Variants in AFP observed in about 807,000 individuals in gnomAD.
AFP encodes alpha fetoprotein, also known as alpha-fetoprotein.
A neutral mutation model predicts 78.9 loss-of-function variants in AFP; 64 were observed. The ratio of observed to expected loss-of-function variants is 0.81; its 90% CI spans 0.66 to 1.00. The LOEUF is 1.00. AFP is among the 50% of genes least tolerant of loss of function. The pLI is 0.00. For missense variants in AFP, 689 were observed against 703.8 expected (o/e 0.98, Z 0.24); for synonymous variants, 254 against 243.8 (o/e 1.04, Z -0.39).
At chr4:73,450,594 G>C (rs574629970) in intron 10 of AFP, 21 bp from the exon 11 acceptor site, 18 of 1,613,948 alleles carry the variant, frequency 1.1e-5, no homozygotes, top group Admixed American at 5.0e-5. Flanking sequence ...GCAGGACTTA[G>C]TTAAAAAATG....
Position 73,438,290 on chromosome 4 carries a change from G to C in AFP, c.254G>C (p.Gly85Ala), listed in dbSNP as rs772597931. ...CCCACTGGAGATGAACAGTCTTCAG[G>C]GTGTTTAGAAAACCAGGTGAGTGAA... ...EKPTGDEQSSGCLENQLPAFL... is the reference protein window; with the variant it reads ...EKPTGDEQSSACLENQLPAFL... The change falls in exon 3 of 15, where the codon GGG (glycine) becomes GCG (alanine). Residue 85 changes from glycine (G) to alanine (A), a missense_variant. Physicochemically the swap from Gly to Ala is moderately conservative, Grantham distance 60. Transcript: ENST00000395792. The C allele has an allele frequency of 3.7e-6, 6 of 1,612,712 alleles. No individual in the cohort carries two copies. The highest frequency in any genetic ancestry group is 1.1e-5 in the South Asian group (1 of 91,020).
rs566575509 is a variant in AFP at position 73,441,547 on chromosome 4, C to G, written c.482+734C>G. On this transcript the variant is annotated intron_variant, in intron 4 of 14. Coordinates refer to ENST00000395792, the MANE Select transcript of AFP (RefSeq NM_001134.3). ...TGCGCCACTGCACTCCCGCCGGGGC[C>G]ACAGAGCGAGACTCCGTCTCAAAAA... Among the ~76,000 whole-genome samples the G allele has an allele frequency of 3.7e-4, 44 of 119,338 alleles. 1 individual carries two copies. In the South Asian group the frequency reaches 8.4e-3, roughly 23 times the overall value. 78.3% of individuals were successfully genotyped at this position (119,338 alleles called of 152,430 possible).
rs538791554 is a variant in AFP at position 73,450,711 on chromosome 4, C to T, written c.1386C>T (p.Cys462=). The change falls in exon 11 of 15, where the codon TGC becomes TGT. Residue 462 remains cysteine, a synonymous_variant. Coordinates refer to ENST00000395792, the MANE Select transcript of AFP (RefSeq NM_001134.3). The stretch of plus-strand genomic sequence containing the variant: ...TGGCAGCCACAGCAGCCACTTGTTG[C>T]CAACTCAGTGAGGACAAACTATTGG... ...RKMAATAATC[C]QLSEDKLLAC... is the part of the protein sequence containing the mutation. 1.3e-5 allele frequency: 21 copies of T among 1,614,196 alleles called. No individual in the cohort carries two copies. The East Asian group carries it at 2.5e-4, about 19-fold the overall frequency.
rs777805558 is a variant in AFP, at chr4:73,443,489, C to T, written c.713+45C>T. 8 of 1,474,512 alleles carry T rather than the reference C, an allele frequency of 5.4e-6. No individual in the cohort carries two copies. The Admixed American group carries it at 1.3e-4, about 25-fold the overall frequency. The allele number at this position is 1,474,512 out of a possible 1,614,324, so 91.3% of individuals were successfully genotyped here. On this transcript the variant is annotated intron_variant, in intron 6 of 14. Transcript: ENST00000395792. ...AGGGAAGAGGGTGAGAGCTACAGAA[C>T]TACCATTTTGCAATTTGGGTTCGTT...
chr4:73,445,726 G>A (rs532702786), intron 7 of AFP, among the ~76,000 whole-genome samples: 1 of 152,154 alleles, frequency 6.6e-6, no homozygotes, highest in South Asian at 2.1e-4. Context: ...CAGGTAAAAA[G>A]CTAGCCTTGC....
Position 73,440,688 on chromosome 4 carries a change from G to A in AFP, c.357G>A (p.Glu119=), listed in dbSNP as rs143015198. Reference sequence around the variant, plus strand: ...CAGACTGCTGCAGCCAAAGTGAAGAGGGAAGACATAACTGTTTTCTTGCAC... The same window carrying A: ...CAGACTGCTGCAGCCAAAGTGAAGAAGGAAGACATAACTGTTTTCTTGCAC... ...GHSDCCSQSE[E]GRHNCFLAHK... is the part of the protein sequence containing the mutation. The change falls in exon 4 of 15, where the codon GAG becomes GAA. Residue 119 remains glutamate, a synonymous_variant. Transcript: ENST00000395792. 1.2e-6 allele frequency: 2 copies of A among 1,614,150 alleles called. No individual in the cohort carries two copies. Among genetic ancestry groups the A allele is most frequent in the Non-Finnish European group, 1.7e-6 (2 of 1,180,022 alleles).
rs146264081 is a variant in AFP, at chr4:73,440,014, A to T, written c.271-588A>T. Among the ~76,000 whole-genome samples the T allele has an allele frequency of 9.1e-4, 138 of 152,168 alleles. 2 individuals are homozygous for T. The East Asian group carries it at 0.021, about 23-fold the overall frequency. ...AATTCCAAAAGTTACATCTTTAATG[A>T]GAATCATGAAAATATTATTTTGCTC... On this transcript the variant is annotated intron_variant, in intron 3 of 14. Coordinates refer to ENST00000395792, the MANE Select transcript of AFP (RefSeq NM_001134.3).
chr4:73,440,086 G>A (rs1719615995), intron 3 of AFP, among the ~76,000 whole-genome samples: 1 of 151,628 alleles, frequency 6.6e-6, no homozygotes, highest in South Asian at 2.1e-4. Context: ...TGGTGTACAC[G>A]GGCAGGATGA....
chr4:73,449,229 A>AC (rs1719915746), intron 8 of AFP, 106 bp from the exon 9 acceptor site: 1 of 1,026,086 alleles, frequency 9.7e-7, no homozygotes, highest in East Asian at 2.6e-5. Context: ...TATTTATTTG[A>AC]ATTTAACTTC....
chr4:73,455,597 A>G, intron 14 of AFP, 34 bp from the exon 15 acceptor site: 2 of 682,808 alleles, frequency 2.9e-6, no homozygotes, highest in Non-Finnish European at 5.3e-6. Flanking sequence ...TATTAGTTTA[A>G]TTAGTATTTA....
In AFP at chr4:73,436,319, A is replaced by G. The variant is rs1198846834; in HGVS notation, c.57A>G (p.Arg19=). The part of the protein sequence containing the change: ...LIFLLNFTES[R]TLHRNEYGIA... ...TCCTACTAAATTTTACTGAATCCAG[A>G]ACACTGCATAGAAATGAATATGGAA... Residue 19 remains arginine (R), a synonymous_variant, in exon 1 of 15, where the codon AGA becomes AGG. Coordinates refer to ENST00000395792, the MANE Select transcript of AFP (RefSeq NM_001134.3). 2 of 1,599,212 alleles carry G rather than the reference A, an allele frequency of 1.3e-6. No homozygotes were observed. The highest frequency in any genetic ancestry group is 1.7e-6 in the Non-Finnish European group (2 of 1,169,192).
intron 2 of AFP, 101 bp from the exon 3 acceptor site, chr4:73,438,073 C>T (rs2149332799): frequency 3.3e-6 from 5 of 1,515,126 alleles, no homozygotes; most frequent in Non-Finnish European, 4.5e-6. Flanking sequence ...CAGATTACAA[C>T]ATAAATAGAA....
At position 73,452,620 on chromosome 4, in the gene AFP, C is replaced by A; in HGVS notation, c.1648C>A (p.Gln550Lys). ...AQGVALQTMK[Q>K]EFLINLVKQK... ...GGGTGTAGCGCTGCAAACAATGAAG[C>A]AAGAGTAAGAAACTGTTACTTGCTA... Residue 550 changes from glutamine (Q) to lysine (K), a missense_variant, in exon 12 of 15, where the codon CAA becomes AAA. Physicochemically the swap from Gln to Lys is moderately conservative, Grantham distance 53. Coordinates refer to ENST00000395792, the MANE Select transcript of AFP (RefSeq NM_001134.3). 6.2e-7 allele frequency: 1 copy of A among 1,607,274 alleles called. No homozygotes were observed. The highest frequency in any genetic ancestry group is 1.3e-5 in the African/African-American group (1 of 74,860).
At chr4:73,440,266 T>C (rs575513679) in intron 3 of AFP, among the ~76,000 whole-genome samples, 23 of 152,150 alleles carry the variant, frequency 1.5e-4, no homozygotes, top group Non-Finnish European at 3.2e-4. Context: ...CCTGTGTCCA[T>C]GAAACATGGT....
chr4:73,445,767 A>G (rs1398797506), intron 7 of AFP, among the ~76,000 whole-genome samples: 1 of 152,248 alleles, frequency 6.6e-6, no homozygotes, highest in Non-Finnish European at 1.5e-5. Flanking sequence ...GTGGTCTCGG[A>G]GAATTAGAAA....
intron 5 of AFP, among the ~76,000 whole-genome samples, chr4:73,442,794 T>C (rs1172457004): frequency 6.6e-6 from 1 of 152,188 alleles, no homozygotes; most frequent in Non-Finnish European, 1.5e-5. Context: ...AAATGCTTTA[T>C]ACTTACTGTT....
chr4:73,453,850 G>C lies in AFP; in HGVS notation c.1738G>C (p.Glu580Gln). ...AVIADFSGLL[E>Q]KCCQGQEQEV... ...CATTGCAGATTTCTCAGGCCTGTTG[G>C]AGAAATGCTGCCAAGGCCAGGAACA... Residue 580 changes from glutamate to glutamine, a missense_variant, in exon 13 of 15, where the codon GAG becomes CAG. Coordinates refer to ENST00000395792, the MANE Select transcript of AFP (RefSeq NM_001134.3). 1.2e-6 allele frequency: 2 copies of C among 1,613,824 alleles called. No individual in the cohort carries two copies. Among genetic ancestry groups the C allele is most frequent in the Non-Finnish European group, 1.7e-6 (2 of 1,179,786 alleles).
rs559745104 is a variant in AFP at position 73,450,540 on chromosome 4, T to A, written c.1290-75T>A. The A allele has an allele frequency of 1.4e-5, 23 of 1,602,274 alleles. No individual in the cohort carries two copies. In the African/African-American group the frequency reaches 2.5e-4, roughly 18 times the overall value. ...TGTCTTCTGGCATGAGAGTAGAGAGTCTGTGAGAAGAAGCAAGGCGGCTAA... is the reference window on the plus strand; with the variant it reads ...TGTCTTCTGGCATGAGAGTAGAGAGACTGTGAGAAGAAGCAAGGCGGCTAA... On this transcript the variant is annotated intron_variant, in intron 10 of 14. Coordinates refer to ENST00000395792, the MANE Select transcript of AFP (RefSeq NM_001134.3).
intron 6 of AFP, 86 bp from the exon 7 acceptor site, chr4:73,444,907 C>A: frequency 8.4e-7 from 1 of 1,189,098 alleles, no homozygotes; most frequent in Non-Finnish European, 1.2e-6. Context: ...CTCTTTGAAA[C>A]TTCTACTGTA....
Sources: allele counts gnomAD v4.1 joint callset (sites outside exome capture counted in the v4.1 genomes callset), GRCh38; gene constraint gnomAD v4.1.1; transcripts MANE v1.5; gene names NCBI Gene and HGNC (gene_info 2026-07-23, HGNC 2026-07-21).